The following GABRB2 variants were observed in gnomAD, a reference collection of about 807,000 sequenced individuals.
The protein encoded by GABRB2 is gamma-aminobutyric acid type A receptor subunit beta2.
GABRB2 carries 16 observed loss-of-function variants against 54.7 expected under a neutral mutation model. The observed-to-expected ratio is 0.29, with a 90% CI of 0.20 to 0.44. GABRB2 has a LOEUF of 0.44. GABRB2 is among the 20% of genes least tolerant of loss of function. The pLI, the probability that GABRB2 is intolerant of heterozygous loss-of-function variation, is 1.00. For missense variants in GABRB2, 355 were observed against 644.0 expected, an observed-to-expected ratio of 0.55 and a Z score of 4.86; for synonymous variants, 244 against 233.8, an observed-to-expected ratio of 1.04 and a Z score of -0.40.
At chr5:161,347,923 A>G (rs1035879389) in intron 5 of GABRB2, among the ~76,000 whole-genome samples, 2 of 152,110 alleles carry the variant, frequency 1.3e-5, no homozygotes, top group African/African-American at 4.8e-5. Flanking sequence ...TCACAGCTGG[A>G]CATTGCTAAA....
At chr5:161,401,021 C>A (rs1409933600) in intron 5 of GABRB2, among the ~76,000 whole-genome samples, 2 of 152,118 alleles carry the variant, frequency 1.3e-5, no homozygotes, top group African/African-American at 4.8e-5. Flanking sequence ...ATCTAAAATT[C>A]TAGGTTCCAA....
intron 5 of GABRB2, 57 bp from the exon 6 acceptor site, chr5:161,336,826 AAC>A: frequency 1.3e-6 from 2 of 1,523,970 alleles, no homozygotes; most frequent in Non-Finnish European, 1.8e-6. Context: ...AAAAAAAAAA[AAC>A]AGACAAAACA....
At chr5:161,536,539 C>A (rs999366004) in intron 3 of GABRB2, among the ~76,000 whole-genome samples, 2 of 152,118 alleles carry the variant, frequency 1.3e-5, no homozygotes, top group African/African-American at 4.8e-5. Flanking sequence ...TTCAGGCAAG[C>A]CTTTAGTTTC....
intron 4 of GABRB2, among the ~76,000 whole-genome samples, chr5:161,413,995 C>T (rs541001007): frequency 4.7e-4 from 72 of 152,260 alleles, no homozygotes; most frequent in African/African-American, 1.7e-3. Context: ...ATGAGTTCTA[C>T]TCATGTTTTA....
chr5:161,453,097 G>T (rs1163626565), intron 4 of GABRB2, among the ~76,000 whole-genome samples: 1 of 152,132 alleles, frequency 6.6e-6, no homozygotes, highest in African/African-American at 2.4e-5. Flanking sequence ...CCATATTTCA[G>T]TCTGTTTTAA....
At position 161,385,357 on chromosome 5, in the gene GABRB2, T is replaced by C. The variant is rs183449977; in HGVS notation, c.541+25618A>G. ...TTTGCAGCAAATTTCTCTCTCCTTG[T>C]TCCTTTCTCATCTGTGGTAATATGT... On this transcript the variant is annotated intron_variant, in intron 5 of 9. Coordinates refer to ENST00000393959, the MANE Select transcript of GABRB2 (RefSeq NM_001371727.1). Among the ~76,000 whole-genome samples, 3 of 152,312 alleles carry C rather than the reference T, an allele frequency of 2.0e-5. No individual in the cohort carries two copies. The East Asian group carries it at 5.8e-4, about 29-fold the overall frequency.
chr5:161,523,783 A>G (rs1390929483), intron 3 of GABRB2, among the ~76,000 whole-genome samples: 1 of 151,534 alleles, frequency 6.6e-6, no homozygotes, highest in African/African-American at 2.4e-5. Context: ...GCTACACAGG[A>G]TCTTATATAT....
At chr5:161,450,652 C>T (rs1050181703) in intron 4 of GABRB2, among the ~76,000 whole-genome samples, 1 of 152,092 alleles carries the variant, frequency 6.6e-6, no homozygotes, top group African/African-American at 2.4e-5. Context: ...GGTTTGCCAT[C>T]GTCTCTAGGA....
At chr5:161,522,657 T>C (rs1760152164) in intron 3 of GABRB2, among the ~76,000 whole-genome samples, 1 of 151,546 alleles carries the variant, frequency 6.6e-6, no homozygotes, top group African/African-American at 2.4e-5. Context: ...CCCCTTCCTT[T>C]CTTCTCCCCA....
chr5:161,477,654 C>T (rs1404510235), intron 3 of GABRB2, among the ~76,000 whole-genome samples: 1 of 151,874 alleles, frequency 6.6e-6, no homozygotes, highest in Non-Finnish European at 1.5e-5. Flanking sequence ...CTGACACATG[C>T]TATGACATGG....
intron 4 of GABRB2, among the ~76,000 whole-genome samples, chr5:161,428,629 C>G (rs7707429): frequency 0.45 from 67,841 of 151,914 alleles, 17,067 homozygotes; most frequent in African/African-American, 0.7. Flanking sequence ...CTACTGAGTT[C>G]TAATACACCT....
intron 4 of GABRB2, among the ~76,000 whole-genome samples, chr5:161,451,199 C>A (rs1436669280): frequency 6.6e-6 from 1 of 152,096 alleles, no homozygotes; most frequent in African/African-American, 2.4e-5. Flanking sequence ...TTACCAATGA[C>A]AGAACATACA....
At chr5:161,336,073 T>G (rs1383777109) in intron 6 of GABRB2, among the ~76,000 whole-genome samples, 1 of 152,156 alleles carries the variant, frequency 6.6e-6, no homozygotes, top group Non-Finnish European at 1.5e-5. Context: ...AGTATGACCA[T>G]ATAAAATCTC....
intron 4 of GABRB2, among the ~76,000 whole-genome samples, chr5:161,457,583 C>G (rs975939709): frequency 6.6e-6 from 1 of 151,374 alleles, no homozygotes; most frequent in Non-Finnish European, 1.5e-5. Flanking sequence ...GTAGCTGGGA[C>G]TACAGGCCCC....
rs76513042 is a variant in GABRB2, at chr5:161,515,949, C to G, written c.237+29278G>C. ...TATTAACCTGACATGCAAAAGTCAG[C>G]CAGATTCCATGGCAGCTTTTCTGCC... On this transcript the variant is annotated intron_variant, in intron 3 of 9. Coordinates refer to ENST00000393959, the MANE Select transcript of GABRB2 (RefSeq NM_001371727.1). Among the ~76,000 whole-genome samples the G allele has an allele frequency of 6.8e-3, 1,040 of 152,252 alleles. 13 individuals carry two copies. Among genetic ancestry groups the G allele is most frequent in the African/African-American group, 0.023 (971 of 41,556 alleles).
chr5:161,326,345 G>T (rs1758360729), intron 9 of GABRB2, 23 bp downstream of exon 9: 1 of 1,607,580 alleles, frequency 6.2e-7, no homozygotes. Flanking sequence ...ACAAATAAAT[G>T]GATTAAAAAC....
chr5:161,403,774 T>C (rs954993403), intron 5 of GABRB2, among the ~76,000 whole-genome samples: 1 of 152,046 alleles, frequency 6.6e-6, no homozygotes, highest in Non-Finnish European at 1.5e-5. Flanking sequence ...TATTTACCAA[T>C]AATAATTTAT....
chr5:161,407,416 AT>A (rs202174655), intron 5 of GABRB2, among the ~76,000 whole-genome samples: 15 of 151,456 alleles, frequency 9.9e-5, no homozygotes, highest in Non-Finnish European at 2.1e-4. Context: ...ATTAAAACTT[AT>A]TTTTTTTTAA....
At chr5:161,381,189 C>T (rs1036096063) in intron 5 of GABRB2, among the ~76,000 whole-genome samples, 2 of 152,130 alleles carry the variant, frequency 1.3e-5, no homozygotes, top group African/African-American at 4.8e-5. Context: ...GGGTAAGTCA[C>T]TTCAACTTTT....
Sources: allele counts gnomAD v4.1 joint callset (sites outside exome capture counted in the v4.1 genomes callset), GRCh38; gene constraint gnomAD v4.1.1; transcripts MANE v1.5; gene names NCBI Gene and HGNC (gene_info 2026-07-23, HGNC 2026-07-21).